The following NLE1 variants were observed in gnomAD, a reference collection of about 807,000 sequenced individuals.
The protein encoded by NLE1 is notchless homolog 1, also known as notchless protein homolog 1.
A neutral mutation model predicts 62.8 loss-of-function variants in NLE1; 37 were observed. The observed-to-expected ratio is 0.59, with a 90% CI of 0.45 to 0.78. The LOEUF (loss-of-function observed/expected upper bound fraction) is 0.78, where lower values mean the gene tolerates loss of function less well. Ranked by LOEUF, NLE1 falls within the 30% of genes least tolerant of loss-of-function variation. The pLI is 0.00. For missense variants in NLE1, 555 were observed against 637.9 expected, an observed-to-expected ratio of 0.87 and a Z score of 1.40; for synonymous variants, 243 against 253.0, an observed-to-expected ratio of 0.96 and a Z score of 0.37.
In NLE1 at chr17:35,137,144, G is replaced by T. The variant is rs748512588; in HGVS notation, c.685C>A (p.Arg229=). The change falls in exon 7 of 13, where the codon CGG becomes AGG. Residue 229 remains arginine (R), a synonymous_variant. Transcript: ENST00000442241. ...VASSSKDGSV[R]IWDTTAGRCE... ...CGGCCTGCAGTTGTGTCCCAGATCCGCACACTGCCATCCTTGGAGCTGCTG... is the reference window on the plus strand; with the variant it reads ...CGGCCTGCAGTTGTGTCCCAGATCCTCACACTGCCATCCTTGGAGCTGCTG... 5 of 1,613,002 alleles carry T rather than the reference G, an allele frequency of 3.1e-6. No individual in the cohort carries two copies. In the African/African-American group the frequency reaches 5.3e-5, roughly 17 times the overall value.
rs2091909212 is a variant in NLE1 at position 35,136,436 on chromosome 17, G to T, written c.890C>A (p.Thr297Asn). 1 of 1,614,058 alleles carries T rather than the reference G, an allele frequency of 6.2e-7. No homozygotes were observed. Reference sequence around the variant, plus strand: ...GGCCCCAGTGCGCAGGGCATAGTCAGTGCTGAGGGCCATGGTGTTCACCCA... The same window carrying T: ...GGCCCCAGTGCGCAGGGCATAGTCATTGCTGAGGGCCATGGTGTTCACCCA... ...GHWVNTMALSTDYALRTGAFE... is the reference protein window; with the variant it reads ...GHWVNTMALSNDYALRTGAFE... Residue 297 changes from threonine (T) to asparagine (N), a missense_variant, in exon 8 of 13, where the codon ACT (threonine) becomes AAT (asparagine). Transcript: ENST00000442241.
rs777749426 is a variant in NLE1 at position 35,129,178 on chromosome 17, G to A, written c.*3259C>T. On this transcript the variant is annotated 3_prime_UTR_variant, in exon 13 of 13. Coordinates refer to ENST00000442241, the MANE Select transcript of NLE1 (RefSeq NM_018096.5). Reference sequence around the variant, plus strand: ...GGCCCAAGGGTTGAGGACCCCTGGCGTATAAGAAATATGGAATGAGGGTGT... The same window carrying A: ...GGCCCAAGGGTTGAGGACCCCTGGCATATAAGAAATATGGAATGAGGGTGT... 5.7e-5 allele frequency: 27 copies of A among 474,344 alleles called. No individual in the cohort carries two copies. Among genetic ancestry groups the A allele is most frequent in the Non-Finnish European group, 9.2e-5 (24 of 260,742 alleles). 29.4% of individuals were successfully genotyped at this position (474,344 alleles called of 1,614,324 possible).
chr17:35,138,668 T>C (rs2091924538), intron 4 of NLE1, among the ~76,000 whole-genome samples: 1 of 152,184 alleles, frequency 6.6e-6, no homozygotes, highest in Non-Finnish European at 1.5e-5. Flanking sequence ...GGTCTCAAAC[T>C]CCTGACCTCA....
chr17:35,129,404 G>T lies in NLE1; in HGVS notation c.*3033C>A, dbSNP rs749496434. On this transcript the variant is annotated 3_prime_UTR_variant, in exon 13 of 13. Transcript: ENST00000442241. ...CAGGACATATCTGAGGAAGCCTCGGGGCTCTCTCTTCCCCTAGATTTCCTG... is the reference window on the plus strand; with the variant it reads ...CAGGACATATCTGAGGAAGCCTCGGTGCTCTCTCTTCCCCTAGATTTCCTG... The T allele has an allele frequency of 1.1e-5, 17 of 1,610,754 alleles. No individual in the cohort carries two copies. The highest frequency in any genetic ancestry group is 1.3e-5 in the African/African-American group (1 of 74,804).
In NLE1 at chr17:35,129,992, AC is replaced by A; in HGVS notation, c.*2444del. 1 of 1,379,102 alleles carries A rather than the reference AC, an allele frequency of 7.3e-7. No individual in the cohort carries two copies. The highest frequency in any genetic ancestry group is 2.7e-5 in the East Asian group (1 of 36,400). 85.4% of individuals were successfully genotyped at this position (1,379,102 alleles called of 1,614,324 possible). A position where few individuals can be genotyped will look rare whatever the true frequency, so the allele number is the denominator to read the frequency against. On this transcript the variant is annotated 3_prime_UTR_variant, in exon 13 of 13. Transcript: ENST00000442241. Reference sequence around the variant, plus strand: ...AAGGGCATTGAAAGAAATAGGGAAGACAAGAGGCTAAAGGGGGACGAAGAAG... The same window carrying A: ...AAGGGCATTGAAAGAAATAGGGAAGAAAGAGGCTAAAGGGGGACGAAGAAG...
At position 35,130,298 on chromosome 17, in the gene NLE1, C is replaced by T. The variant is rs371002417; in HGVS notation, c.*2139G>A. 1 of 1,613,942 alleles carries T rather than the reference C, an allele frequency of 6.2e-7. No homozygotes were observed. Among genetic ancestry groups the T allele is most frequent in the Non-Finnish European group, 8.5e-7 (1 of 1,179,920 alleles). ...TCACTTCAGTTTGCAACCCTGGCCACTGACTTCAGCAGCTTTCCTGAGAAC... is the reference window on the plus strand; with the variant it reads ...TCACTTCAGTTTGCAACCCTGGCCATTGACTTCAGCAGCTTTCCTGAGAAC... On this transcript the variant is annotated 3_prime_UTR_variant, in exon 13 of 13. Transcript: ENST00000442241.
intron 2 of NLE1, among the ~76,000 whole-genome samples, chr17:35,141,283 C>T (rs1289707196): frequency 6.6e-6 from 1 of 151,380 alleles, no homozygotes; most frequent in Non-Finnish European, 1.5e-5. Context: ...TGCGGTGGCT[C>T]ACGCCAGTAA....
intron 9 of NLE1, 134 bp from the exon 10 acceptor site, chr17:35,135,585 G>A (rs897336318): frequency 1.3e-6 from 1 of 745,584 alleles, no homozygotes; most frequent in African/African-American, 1.7e-5. Context: ...GGAGCAATGA[G>A]GACTGGCTTG....
In NLE1 at chr17:35,129,634, G is replaced by T; in HGVS notation, c.*2803C>A. 6.2e-7 allele frequency: 1 copy of T among 1,614,032 alleles called. No homozygotes were observed. Among genetic ancestry groups the T allele is most frequent in the South Asian group, 1.1e-5 (1 of 91,066 alleles). On this transcript the variant is annotated 3_prime_UTR_variant, in exon 13 of 13. Transcript: ENST00000442241. ...TCCGTGCAGCCAACACAGCTGGGGTGGGGAAGTGGTGCAAGCCCTACAAAG... is the reference window on the plus strand; with the variant it reads ...TCCGTGCAGCCAACACAGCTGGGGTTGGGAAGTGGTGCAAGCCCTACAAAG...
rs2091881523 is a variant in NLE1 at position 35,132,413 on chromosome 17, G to A, written c.*24C>T. 4.8e-6 allele frequency: 7 copies of A among 1,446,374 alleles called. No individual in the cohort carries two copies. Among genetic ancestry groups the A allele is most frequent in the Non-Finnish European group, 5.5e-6 (6 of 1,096,754 alleles). The allele number at this position is 1,446,374 out of a possible 1,614,324, so 89.6% of individuals were successfully genotyped here. On this transcript the variant is annotated 3_prime_UTR_variant, in exon 13 of 13. Coordinates refer to ENST00000442241, the MANE Select transcript of NLE1 (RefSeq NM_018096.5). Reference sequence around the variant, plus strand: ...CTGGCAGAGGCCGAGTCGAGGTGGGGGTCAGAGAGAACTTCGGGCCGTCTC... The same window carrying A: ...CTGGCAGAGGCCGAGTCGAGGTGGGAGTCAGAGAGAACTTCGGGCCGTCTC...
chr17:35,135,462 C>T lies in NLE1; in HGVS notation c.1012-11G>A. 1 of 1,613,564 alleles carries T rather than the reference C, an allele frequency of 6.2e-7. No individual in the cohort carries two copies. ...CTCTGGACCCTGGCCCTAGGGGAGG[C>T]AGAAAGCACACTGTGTTGGGTGTGG... On this transcript the variant is annotated splice_polypyrimidine_tract_variant and intron_variant, in intron 9 of 12. Transcript: ENST00000442241.
intron 10 of NLE1, among the ~76,000 whole-genome samples, chr17:35,134,234 A>T (rs2091894986): frequency 6.6e-6 from 1 of 152,098 alleles, no homozygotes; most frequent in Non-Finnish European, 1.5e-5. Context: ...ATTTCTATCA[A>T]GCTCCCAGGT....
intron 2 of NLE1, 59 bp downstream of exon 2, chr17:35,141,920 T>A: frequency 6.6e-7 from 1 of 1,510,706 alleles, no homozygotes; most frequent in Admixed American, 2.0e-5. Flanking sequence ...GGTAATATGA[T>A]TCCCCCACCG....
At position 35,129,541 on chromosome 17, in the gene NLE1, C is replaced by T; in HGVS notation, c.*2896G>A. On this transcript the variant is annotated 3_prime_UTR_variant, in exon 13 of 13. Transcript: ENST00000442241. ...AGGCAAAGAATCGTCCATGGATCTT[C>T]AACAAGATTTTGGGCACTACTGTCA... 1 of 1,614,158 alleles carries T rather than the reference C, an allele frequency of 6.2e-7. No homozygotes were observed. The highest frequency in any genetic ancestry group is 1.1e-5 in the South Asian group (1 of 91,078).
chr17:35,129,506 G>A lies in NLE1; in HGVS notation c.*2931C>T. ...GGAGGTGGCCAAGACACAGGAGAAT[G>A]AGTTGCCCGAGGCAAAGAATCGTCC... is the stretch of plus-strand genomic sequence containing the variant. On this transcript the variant is annotated 3_prime_UTR_variant, in exon 13 of 13. Coordinates refer to ENST00000442241, the MANE Select transcript of NLE1 (RefSeq NM_018096.5). The A allele has an allele frequency of 1.2e-6, 2 of 1,614,168 alleles. No individual in the cohort carries two copies. The highest frequency in any genetic ancestry group is 1.7e-6 in the Non-Finnish European group (2 of 1,180,004).
intron 9 of NLE1, among the ~76,000 whole-genome samples, chr17:35,135,797 T>C (rs2091905098): frequency 6.6e-6 from 1 of 152,222 alleles, no homozygotes; most frequent in Admixed American, 6.5e-5. Flanking sequence ...TGTCTGTATA[T>C]TAAATCTCTG....
rs1217107181 is a variant in NLE1 at position 35,129,350 on chromosome 17, C to T, written c.*3087G>A. The T allele has an allele frequency of 8.3e-6, 13 of 1,563,624 alleles. No individual in the cohort carries two copies. The highest frequency in any genetic ancestry group is 1.0e-5 in the Non-Finnish European group (12 of 1,150,892). On this transcript the variant is annotated 3_prime_UTR_variant, in exon 13 of 13. Coordinates refer to ENST00000442241, the MANE Select transcript of NLE1 (RefSeq NM_018096.5). ...GGATGGGCATGGGACGTCCTGACCC[C>T]AGTTGGGAGGGTGAAGGGACAGGAA...
intron 2 of NLE1, among the ~76,000 whole-genome samples, chr17:35,140,702 T>C (rs2091938248): frequency 6.6e-6 from 1 of 152,110 alleles, no homozygotes; most frequent in African/African-American, 2.4e-5. Context: ...GCAATTCTCC[T>C]GCTTCAGCCT....
chr17:35,139,149 C>A (rs913604931), intron 4 of NLE1, 86 bp downstream of exon 4: 6 of 1,164,968 alleles, frequency 5.2e-6, no homozygotes, highest in South Asian at 1.3e-5. Context: ...GCTGTGACTG[C>A]ACCACTGTAC....
Sources: allele counts gnomAD v4.1 joint callset (sites outside exome capture counted in the v4.1 genomes callset), GRCh38; gene constraint gnomAD v4.1.1; transcripts MANE v1.5; gene names NCBI Gene and HGNC (gene_info 2026-07-23, HGNC 2026-07-21).